Variants in CPSF6 observed in about 807,000 individuals in gnomAD.
CPSF6 encodes cleavage and polyadenylation specificity factor subunit 6.
Under a neutral mutation model 56.7 loss-of-function variants are expected in CPSF6, and 10 were observed. The ratio of observed to expected loss-of-function variants is 0.18; its 90% confidence interval spans 0.11 to 0.30. CPSF6 has a LOEUF of 0.30. Ranked by LOEUF, CPSF6 falls within the 10% of genes least tolerant of loss-of-function variation. The probability of loss-of-function intolerance (pLI) is 1.00; values close to 1 mark genes in which losing one functional copy is unlikely to be tolerated. For missense variants in CPSF6, 419 were observed against 722.9 expected, an observed-to-expected ratio of 0.58 and a Z score of 4.82; for synonymous variants, 248 against 244.8, an observed-to-expected ratio of 1.01 and a Z score of -0.12.
At chr12:69,249,055 GCTAACCCATCCTGC>G (rs1276345340) in intron 1 of CPSF6, among the ~76,000 whole-genome samples, 3 of 149,880 alleles carry the variant, frequency 2.0e-5, no homozygotes, top group East Asian at 3.9e-4. Context: ...GACCATCCTG[GCTAACCCATCCTGC>G]CTAACACGGT....
chr12:69,246,648 T>C (rs1028712204), intron 1 of CPSF6, among the ~76,000 whole-genome samples: 6 of 152,224 alleles, frequency 3.9e-5, no homozygotes, highest in Admixed American at 6.5e-5. Context: ...TTATCTGCTA[T>C]TGGATTTTGC....
chr12:69,251,119 T>C lies in CPSF6; in HGVS notation c.61-10T>C. ...TTTGTATAATCTAGAGCATTATTTC[T>C]GTATCTCAGGAAGCTGAATATGGTG... On this transcript the variant is annotated splice_polypyrimidine_tract_variant and intron_variant, in intron 1 of 9. Transcript: ENST00000435070. The C allele has an allele frequency of 6.2e-7, 1 of 1,605,094 alleles. No individual in the cohort carries two copies. The highest frequency in any genetic ancestry group is 8.5e-7 in the Non-Finnish European group (1 of 1,173,562).
At position 69,256,687 on chromosome 12, in the gene CPSF6, C is replaced by T; in HGVS notation, c.375-10C>T. 1 of 1,604,154 alleles carries T rather than the reference C, an allele frequency of 6.2e-7. No homozygotes were observed. Among genetic ancestry groups the T allele is most frequent in the Non-Finnish European group, 8.5e-7 (1 of 1,176,672 alleles). On this transcript the variant is annotated splice_polypyrimidine_tract_variant and intron_variant, in intron 3 of 9. Coordinates refer to ENST00000435070, the MANE Select transcript of CPSF6 (RefSeq NM_007007.3). ...TTACTTTGTATCCTCACCCCTTAAACACTTTTTAGGTTTGCCCTTGTTGGT... is the reference window on the plus strand; with the variant it reads ...TTACTTTGTATCCTCACCCCTTAAATACTTTTTAGGTTTGCCCTTGTTGGT...
At chr12:69,265,511 G>T (rs1206790144) in intron 9 of CPSF6, among the ~76,000 whole-genome samples, 2 of 151,036 alleles carry the variant, frequency 1.3e-5, no homozygotes, top group African/African-American at 4.9e-5. Context: ...ATTTTATGAG[G>T]TTTTACAATT....
chr12:69,259,151 G>C, intron 6 of CPSF6, 57 bp downstream of exon 6: 1 of 1,504,006 alleles, frequency 6.6e-7, no homozygotes, highest in Admixed American at 1.9e-5. Flanking sequence ...AACAATGACT[G>C]TAAATATTAG....
chr12:69,268,624 G>A (rs1873104842), intron 9 of CPSF6, among the ~76,000 whole-genome samples: 1 of 151,642 alleles, frequency 6.6e-6, no homozygotes, highest in South Asian at 2.1e-4. Context: ...TATTGAAGTG[G>A]TTTCTTGTCA....
rs3051104 is a variant in CPSF6 at position 69,274,109 on chromosome 12, C to CTTTTTTTTTTT, written c.*4609_*4619dup. 8 of 119,082 alleles carry CTTTTTTTTTTT rather than the reference C, an allele frequency of 6.7e-5. No individual in the cohort carries two copies. Among genetic ancestry groups the CTTTTTTTTTTT allele is most frequent in the African/African-American group, 2.3e-4 (7 of 30,600 alleles). The allele number at this position is 119,082 out of a possible 1,614,324, so 7.4% of individuals were successfully genotyped here. A position where few individuals can be genotyped will look rare whatever the true frequency, so the allele number is the denominator to read the frequency against. Reference sequence around the variant, plus strand: ...GTAAGGTGATAATTGATCTAATAGACTTTTTTTTTTTTTTTTTTGCTGTCC... The same window carrying CTTTTTTTTTTT: ...GTAAGGTGATAATTGATCTAATAGACTTTTTTTTTTTTTTTTTTTTTTTTTTTTTGCTGTCC... On this transcript the variant is annotated 3_prime_UTR_variant, in exon 10 of 10. Transcript: ENST00000435070.
intron 9 of CPSF6, among the ~76,000 whole-genome samples, chr12:69,263,463 G>T (rs1450232795): frequency 1.3e-5 from 2 of 151,878 alleles, no homozygotes; most frequent in East Asian, 1.9e-4. Flanking sequence ...CTGGGGGAGG[G>T]CACTATAAGG....
chr12:69,260,572 CCT>C (rs1382855561), intron 8 of CPSF6, among the ~76,000 whole-genome samples: 1 of 152,100 alleles, frequency 6.6e-6, no homozygotes, highest in African/African-American at 2.4e-5. Flanking sequence ...AGCAGTTTTC[CCT>C]GTCTCTTCAC....
intron 9 of CPSF6, among the ~76,000 whole-genome samples, chr12:69,268,635 TTTA>T (rs1873105245): frequency 6.6e-6 from 1 of 151,858 alleles, no homozygotes; most frequent in African/African-American, 2.4e-5. Context: ...TTTCTTGTCA[TTTA>T]TACTTTCATT....
Position 69,274,079 on chromosome 12 carries a change from A to G in CPSF6, c.*4571A>G, listed in dbSNP as rs1421849226. 6.6e-6 allele frequency: 1 copy of G among 150,854 alleles called. No homozygotes were observed. Among genetic ancestry groups the G allele is most frequent in the Non-Finnish European group, 1.5e-5 (1 of 67,634 alleles). The allele number at this position is 150,854 out of a possible 1,614,324, so 9.3% of individuals were successfully genotyped here. On this transcript the variant is annotated 3_prime_UTR_variant, in exon 10 of 10. Transcript: ENST00000435070. Reference sequence around the variant, plus strand: ...GACTTCACAATAAGATTTCTGTGCAAAAAGGTAAGGTGATAATTGATCTAA... The same window carrying G: ...GACTTCACAATAAGATTTCTGTGCAGAAAGGTAAGGTGATAATTGATCTAA...
Position 69,269,960 on chromosome 12 carries a change from A to G in CPSF6, c.*452A>G, listed in dbSNP as rs571056872. 1 of 153,060 alleles carries G rather than the reference A, an allele frequency of 6.5e-6. No individual in the cohort carries two copies. Among genetic ancestry groups the G allele is most frequent in the South Asian group, 2.0e-4 (1 of 4,914 alleles). The allele number at this position is 153,060 out of a possible 1,614,324, so 9.5% of individuals were successfully genotyped here. A position where few individuals can be genotyped will look rare whatever the true frequency, so the allele number is the denominator to read the frequency against. ...TGGGGCTGATGTGTAAAGCTGTTCA[A>G]GTTATTTGATGTTTACACCTCAGGG... is the stretch of plus-strand genomic sequence containing the variant. On this transcript the variant is annotated 3_prime_UTR_variant, in exon 10 of 10. Coordinates refer to ENST00000435070, the MANE Select transcript of CPSF6 (RefSeq NM_007007.3).
At position 69,272,988 on chromosome 12, in the gene CPSF6, T is replaced by C. The variant is rs1006269944; in HGVS notation, c.*3480T>C. ...TCTTAGAAGCCTTAGACTGATTTTT[T>C]CAATAAATATTCAACCAAAAATTAT... is the stretch of plus-strand genomic sequence containing the variant. On this transcript the variant is annotated 3_prime_UTR_variant, in exon 10 of 10. Transcript: ENST00000435070. The C allele has an allele frequency of 1.6e-5, 4 of 252,436 alleles. No homozygotes were observed. The highest frequency in any genetic ancestry group is 5.1e-5 in the Admixed American group (1 of 19,522). 15.6% of individuals were successfully genotyped at this position (252,436 alleles called of 1,614,324 possible).
rs778232522 is a variant in CPSF6, at chr12:69,256,693, T to A, written c.375-4T>A. The A allele has an allele frequency of 3.1e-6, 5 of 1,607,896 alleles. No individual in the cohort carries two copies. Among genetic ancestry groups the A allele is most frequent in the Admixed American group, 1.7e-5 (1 of 58,318 alleles). ...TGTATCCTCACCCCTTAAACACTTT[T>A]TAGGTTTGCCCTTGTTGGTGTTGGA... On this transcript the variant is annotated splice_polypyrimidine_tract_variant and splice_region_variant and intron_variant, in intron 3 of 9. Transcript: ENST00000435070.
intron 1 of CPSF6, among the ~76,000 whole-genome samples, chr12:69,244,928 A>G (rs2120432356): frequency 6.6e-6 from 1 of 152,098 alleles, no homozygotes; most frequent in South Asian, 2.1e-4. Flanking sequence ...AACTTTTTGA[A>G]GTAGGAAGAG....
At chr12:69,259,936 A>G in intron 7 of CPSF6, 108 bp from the exon 8 acceptor site, 2 of 1,118,280 alleles carry the variant, frequency 1.8e-6, no homozygotes, top group Non-Finnish European at 2.6e-6. Context: ...TAGTTATTTT[A>G]TAGCACAGTA....
At chr12:69,245,851 T>G (rs1229615407) in intron 1 of CPSF6, among the ~76,000 whole-genome samples, 3 of 152,170 alleles carry the variant, frequency 2.0e-5, no homozygotes, top group African/African-American at 7.2e-5. Context: ...TTTGGGAGGC[T>G]GAAGTAGGCG....
At chr12:69,246,795 G>T (rs1436846551) in intron 1 of CPSF6, among the ~76,000 whole-genome samples, 4 of 152,082 alleles carry the variant, frequency 2.6e-5, no homozygotes, top group Non-Finnish European at 5.9e-5. Flanking sequence ...TGCATTTACT[G>T]ATAGTATCAT....
intron 1 of CPSF6, among the ~76,000 whole-genome samples, chr12:69,245,395 T>C (rs1404494194): frequency 6.6e-6 from 1 of 152,186 alleles, no homozygotes; most frequent in Non-Finnish European, 1.5e-5. Context: ...AGTTATTTTT[T>C]ACAGTGCCTA....
Sources: allele counts gnomAD v4.1 joint callset (sites outside exome capture counted in the v4.1 genomes callset), GRCh38; gene constraint gnomAD v4.1.1; transcripts MANE v1.5; gene names NCBI Gene and HGNC (gene_info 2026-07-23, HGNC 2026-07-21).